The following ADAMTSL1 variants were observed in gnomAD, a reference collection of about 807,000 sequenced individuals.
The protein encoded by ADAMTSL1 is ADAMTS like 1, also known as ADAMTS-like protein 1.
A neutral mutation model predicts 201.8 loss-of-function variants in ADAMTSL1; 126 were observed. The ratio of observed to expected loss-of-function variants is 0.62; its 90% CI spans 0.54 to 0.72. The LOEUF is 0.72. Ranked by LOEUF, ADAMTSL1 falls within the 30% of genes least tolerant of loss-of-function variation. The pLI is 0.00. For synonymous variants in ADAMTSL1, 1,121 were observed against 903.4 expected (o/e 1.24, Z -4.32); for missense variants, 2,679 against 2,277.8 (o/e 1.18, Z -3.59).
At chr9:18,653,056 C>T (rs1564121363) in intron 7 of ADAMTSL1, among the ~76,000 whole-genome samples, 1 of 152,218 alleles carries the variant, frequency 6.6e-6, no homozygotes, top group Non-Finnish European at 1.5e-5. Flanking sequence ...TGCCAATATG[C>T]CCCTTTTGCT....
chr9:18,754,132 A>T (rs950509114), intron 16 of ADAMTSL1, among the ~76,000 whole-genome samples: 2 of 152,146 alleles, frequency 1.3e-5, no homozygotes, highest in African/African-American at 2.4e-5. Context: ...TATTTTACGT[A>T]CCGTCTATGG....
At chr9:18,135,675 T>C (rs1188364872) in intron 1 of ADAMTSL1, among the ~76,000 whole-genome samples, 3 of 152,160 alleles carry the variant, frequency 2.0e-5, no homozygotes, top group Non-Finnish European at 4.4e-5. Flanking sequence ...TAGGCATGTG[T>C]GTATACCATA....
chr9:18,855,835 A>C (rs1252512331), intron 23 of ADAMTSL1, among the ~76,000 whole-genome samples: 1 of 152,190 alleles, frequency 6.6e-6, no homozygotes, highest in Non-Finnish European at 1.5e-5. Context: ...CATTGTGTGT[A>C]ATGTGTGACT....
intron 12 of ADAMTSL1, among the ~76,000 whole-genome samples, chr9:18,683,414 G>A (rs1386591411): frequency 1.3e-5 from 2 of 149,818 alleles, no homozygotes; most frequent in South Asian, 2.1e-4. Context: ...TTTTTTTTTG[G>A]TAGAGACGGG....
chr9:18,267,762 T>TTAAAA (rs200313213), intron 2 of ADAMTSL1, among the ~76,000 whole-genome samples: 2 of 125,300 alleles, frequency 1.6e-5, no homozygotes, highest in Non-Finnish European at 3.1e-5. Context: ...CAAAGGCTAT[T>TTAAAA]AAAAAAAAAA....
chr9:18,347,256 T>C (rs1311844791), intron 2 of ADAMTSL1, among the ~76,000 whole-genome samples: 1 of 152,106 alleles, frequency 6.6e-6, no homozygotes, highest in Non-Finnish European at 1.5e-5. Flanking sequence ...TTCCTGGGGC[T>C]GAAGCTGAAC....
intron 2 of ADAMTSL1, among the ~76,000 whole-genome samples, chr9:18,381,958 A>G (rs1282223167): frequency 6.6e-6 from 1 of 152,192 alleles, no homozygotes; most frequent in Non-Finnish European, 1.5e-5. Flanking sequence ...AGCATGTAAA[A>G]TACTGTTTCT....
chr9:18,101,502 A>C (rs1824520986), intron 1 of ADAMTSL1, among the ~76,000 whole-genome samples: 1 of 151,972 alleles, frequency 6.6e-6, no homozygotes, highest in Non-Finnish European at 1.5e-5. Flanking sequence ...CGTCTCAAAA[A>C]AAAAAAAAAG....
intron 2 of ADAMTSL1, among the ~76,000 whole-genome samples, chr9:18,464,171 C>A (rs183958933): frequency 3.0e-4 from 46 of 152,250 alleles, no homozygotes; most frequent in African/African-American, 1.0e-3. Context: ...ATAAGCATGC[C>A]CTCATCATCC....
At chr9:18,566,712 G>A (rs1821920670) in intron 3 of ADAMTSL1, among the ~76,000 whole-genome samples, 1 of 152,130 alleles carries the variant, frequency 6.6e-6, no homozygotes. Context: ...AAAATCAAGG[G>A]TGACTGGAGC....
chr9:18,032,559 G>C (rs1821011013), intron 1 of ADAMTSL1, among the ~76,000 whole-genome samples: 1 of 152,174 alleles, frequency 6.6e-6, no homozygotes, highest in Non-Finnish European at 1.5e-5. Context: ...CCATGGGAGA[G>C]GTAGCCCTGC....
Position 18,753,091 on chromosome 9 carries a change from T to A in ADAMTSL1, c.2007-207T>A, listed in dbSNP as rs368272771. ...GTGGGTAAAAATTGGATATTCCATTTTATCTCCCTCTTTGCTTTAATGTAA... is the reference window on the plus strand; with the variant it reads ...GTGGGTAAAAATTGGATATTCCATTATATCTCCCTCTTTGCTTTAATGTAA... On this transcript the variant is annotated intron_variant, in intron 15 of 28. Coordinates refer to ENST00000380548, the MANE Select transcript of ADAMTSL1 (RefSeq NM_001040272.6). Among the ~76,000 whole-genome samples, 64 of 152,354 alleles carry A rather than the reference T, an allele frequency of 4.2e-4. 1 individual carries two copies. In the South Asian group the frequency reaches 0.013, roughly 32 times the overall value.
intron 2 of ADAMTSL1, among the ~76,000 whole-genome samples, chr9:18,317,229 T>C (rs143270772): frequency 1.0e-3 from 157 of 152,162 alleles, no homozygotes; most frequent in African/African-American, 3.6e-3. Flanking sequence ...TACCAGGGGC[T>C]AGAGGAAGGG....
chr9:18,900,601 G>C (rs1319899916), intron 26 of ADAMTSL1, among the ~76,000 whole-genome samples: 1 of 152,120 alleles, frequency 6.6e-6, no homozygotes, highest in Non-Finnish European at 1.5e-5. Flanking sequence ...GCCATAAAAA[G>C]GAACAAGATC....
chr9:18,001,658 A>G (rs1409195556), intron 1 of ADAMTSL1, among the ~76,000 whole-genome samples: 1 of 152,018 alleles, frequency 6.6e-6, no homozygotes, highest in Non-Finnish European at 1.5e-5. Flanking sequence ...CATTCCAGGA[A>G]GAGAGAATAG....
chr9:17,983,163 T>G (rs903853221), intron 1 of ADAMTSL1, among the ~76,000 whole-genome samples: 1 of 144,968 alleles, frequency 6.9e-6, no homozygotes, highest in Admixed American at 7.3e-5. Context: ...TCCAGCCTCC[T>G]GGGTTCAAGC....
At chr9:18,104,955 A>G (rs139941646) in intron 1 of ADAMTSL1, among the ~76,000 whole-genome samples, 30 of 152,286 alleles carry the variant, frequency 2.0e-4, no homozygotes, top group Middle Eastern at 6.8e-3. Flanking sequence ...AAGGTAAGTT[A>G]GAGATTACTC....
At chr9:18,339,453 A>G (rs115068257) in intron 2 of ADAMTSL1, among the ~76,000 whole-genome samples, 3,809 of 152,266 alleles carry the variant, frequency 0.025, 145 homozygotes, top group African/African-American at 0.084. Context: ...GTAAAAAAAT[A>G]ACAGATGGTG....
intron 1 of ADAMTSL1, among the ~76,000 whole-genome samples, chr9:18,131,475 C>A (rs1486845871): frequency 6.6e-6 from 1 of 152,050 alleles, no homozygotes; most frequent in Non-Finnish European, 1.5e-5. Context: ...GATGATTAGT[C>A]TCGTATGATG....
Sources: gnomAD v4.1 joint callset for allele counts (sites outside exome capture counted in the v4.1 genomes callset) on GRCh38, gnomAD v4.1.1 for gene constraint, MANE v1.5 for transcripts, NCBI Gene and HGNC (gene_info 2026-07-23, HGNC 2026-07-21) for gene names.